The following IL18 variants were observed in gnomAD, a reference collection of about 807,000 sequenced individuals.
The protein encoded by IL18 is interleukin-18.
A neutral mutation model predicts 14.2 loss-of-function variants in IL18; 8 were observed. The observed-to-expected ratio is 0.56, with a 90% CI of 0.33 to 1.01. The LOEUF (loss-of-function observed/expected upper bound fraction) is 1.01. Among genes scored for constraint, IL18 ranks in the 50% least tolerant of loss-of-function variants. IL18 has a pLI of 0.03. For synonymous variants in IL18, 67 were observed against 71.0 expected (o/e 0.94, Z 0.28); for missense variants, 166 against 231.1 (o/e 0.72, Z 1.83).
At chr11:112,159,343 C>A (rs1866589991) in intron 1 of IL18, among the ~76,000 whole-genome samples, 1 of 151,980 alleles carries the variant, frequency 6.6e-6, no homozygotes, top group Non-Finnish European at 1.5e-5. Flanking sequence ...GTCAACACCA[C>A]CACCACCACC....
At chr11:112,162,325 T>C (rs1311137478) in intron 1 of IL18, among the ~76,000 whole-genome samples, 1 of 149,100 alleles carries the variant, frequency 6.7e-6, no homozygotes, top group Non-Finnish European at 1.5e-5. Context: ...AGAGCGATGT[T>C]TTTTTCTTTT....
chr11:112,152,575 C>G (rs1360484620), intron 3 of IL18, among the ~76,000 whole-genome samples: 4 of 152,106 alleles, frequency 2.6e-5, no homozygotes, highest in African/African-American at 9.7e-5. Context: ...TGATTAAATT[C>G]TAGTCAATGG....
In IL18 at chr11:112,155,002, A is replaced by G; in HGVS notation, c.52T>C (p.Phe18Leu). The G allele has an allele frequency of 1.9e-6, 3 of 1,612,484 alleles. No individual in the cohort carries two copies. The highest frequency in any genetic ancestry group is 2.5e-6 in the Non-Finnish European group (3 of 1,178,598). Residue 18 changes from phenylalanine to leucine, a missense_variant, in exon 2 of 6, where the codon TTT becomes CTT. Coordinates refer to ENST00000280357, the MANE Select transcript of IL18 (RefSeq NM_001562.4). ...DNCINFVAMK[F>L]IDNTLYFIAE... ...ATAAAGTAAAGCGTATTGTCAATAA[A>G]TTTCATTGCCACAAAGTTGATGCAA...
intron 3 of IL18, among the ~76,000 whole-genome samples, chr11:112,152,549 A>T (rs1447410446): frequency 6.6e-6 from 1 of 152,172 alleles, no homozygotes; most frequent in Non-Finnish European, 1.5e-5. Context: ...ATTTCCTTGC[A>T]CTTGGTGTGG....
Position 112,143,414 on chromosome 11 carries a change from G to A in IL18, c.*182C>T. 2 of 493,444 alleles carry A rather than the reference G, an allele frequency of 4.1e-6. No individual in the cohort carries two copies. Among genetic ancestry groups the A allele is most frequent in the South Asian group, 2.5e-5 (1 of 39,316 alleles). 30.6% of individuals were successfully genotyped at this position (493,444 alleles called of 1,614,324 possible). A position where few individuals can be genotyped will look rare whatever the true frequency, so the allele number is the denominator to read the frequency against. On this transcript the variant is annotated 3_prime_UTR_variant, in exon 6 of 6. Transcript: ENST00000280357. ...TCCTGCCTCAGCCTCTTGAGTAGCT[G>A]GGATTGAGGGCATGCGTCACTACAC... is the stretch of plus-strand genomic sequence containing the variant.
intron 1 of IL18, among the ~76,000 whole-genome samples, chr11:112,156,721 A>G (rs766181169): frequency 9.2e-5 from 14 of 152,140 alleles, no homozygotes; most frequent in Non-Finnish European, 1.6e-4. Context: ...CTGGGATTAT[A>G]GGTGTCAGCC....
At chr11:112,149,823 A>G (rs945835444) in intron 4 of IL18, among the ~76,000 whole-genome samples, 2 of 152,152 alleles carry the variant, frequency 1.3e-5, no homozygotes, top group Admixed American at 1.3e-4. Flanking sequence ...TAATGCAATC[A>G]CAATAAAGGG....
Position 112,163,203 on chromosome 11 carries a change from G to A in IL18, c.-9+703C>T, listed in dbSNP as rs1162571485. 2.0e-5 allele frequency among the ~76,000 whole-genome samples: 3 copies of A among 152,124 alleles called. No individual in the cohort carries two copies. In the South Asian group the frequency reaches 6.2e-4, roughly 32 times the overall value. On this transcript the variant is annotated intron_variant, in intron 1 of 5. Transcript: ENST00000280357. ...CTTAATTGTGAAAGAAAATTATCTC[G>A]GGGAATGCTATATTATCCAATTGTA...
At chr11:112,150,341 C>T in intron 3 of IL18, 135 bp from the exon 4 acceptor site, 1 of 627,436 alleles carries the variant, frequency 1.6e-6, no homozygotes, top group East Asian at 2.8e-5. Context: ...AATAAAGTTG[C>T]CTATTGTTTT....
rs773452792 is a variant in IL18 at position 112,143,362 on chromosome 11, CCTCTACCTCCGGAGTGCAAGTGATT to C, written c.*209_*233del. On this transcript the variant is annotated 3_prime_UTR_variant, in exon 6 of 6. Coordinates refer to ENST00000280357, the MANE Select transcript of IL18 (RefSeq NM_001562.4). ...ATGGTGCAATCTCGGCTCACCACAA[CCTCTACCTCCGGAGTGCAAGTGATT>C]CTCCTGCCTCAGCCTCTTGAGTAGC... 9.7e-5 allele frequency: 36 copies of C among 371,644 alleles called. 1 individual carries two copies. Among genetic ancestry groups the C allele is most frequent in the Non-Finnish European group, 1.7e-4 (34 of 205,694 alleles). 23.0% of individuals were successfully genotyped at this position (371,644 alleles called of 1,614,324 possible). A position where few individuals can be genotyped will look rare whatever the true frequency, so the allele number is the denominator to read the frequency against.
chr11:112,146,993 C>T (rs1321860811), intron 5 of IL18, among the ~76,000 whole-genome samples: 8 of 147,858 alleles, frequency 5.4e-5, no homozygotes, highest in South Asian at 4.2e-4. Flanking sequence ...TGCAATGGCA[C>T]GATCTAGGCT....
At chr11:112,158,763 C>T (rs994558942) in intron 1 of IL18, among the ~76,000 whole-genome samples, 5 of 152,068 alleles carry the variant, frequency 3.3e-5, no homozygotes, top group Non-Finnish European at 5.9e-5. Flanking sequence ...TTTGACCTGA[C>T]AGCTTTGAAA....
intron 2 of IL18, 65 bp from the exon 3 acceptor site, chr11:112,153,668 C>T (rs1866485745): frequency 8.5e-7 from 1 of 1,175,584 alleles, no homozygotes. Flanking sequence ...AGAATTCAAT[C>T]TCATTCTAGC....
chr11:112,150,161 G>A lies in IL18; in HGVS notation c.137C>T (p.Ser46Leu). Residue 46 changes from serine to leucine, a missense_variant, in exon 4 of 6, where the codon TCA (serine) becomes TTA (leucine). By Grantham distance (145) the Ser-to-Leu change is moderately radical. Transcript: ENST00000280357. ...TTGGTCATTCAAATTTCTTATGACT[G>A]ATAATTTAGATTCAAGCTTGCCAAA... Reference protein sequence around the residue: ...DYFGKLESKLSVIRNLNDQVL... With the variant: ...DYFGKLESKLLVIRNLNDQVL... 1 of 1,594,498 alleles carries A rather than the reference G, an allele frequency of 6.3e-7. No homozygotes were observed. Among genetic ancestry groups the A allele is most frequent in the Non-Finnish European group, 8.6e-7 (1 of 1,163,332 alleles).
At chr11:112,145,228 T>TCAA (rs1373910659) in intron 5 of IL18, among the ~76,000 whole-genome samples, 1 of 152,228 alleles carries the variant, frequency 6.6e-6, no homozygotes, top group Non-Finnish European at 1.5e-5. Flanking sequence ...TTGTTCTTTA[T>TCAA]CAACAAGTGT....
At position 112,143,751 on chromosome 11, in the gene IL18, G is replaced by A; in HGVS notation, c.427C>T (p.Pro143Ser). 1.2e-6 allele frequency: 2 copies of A among 1,612,584 alleles called. No homozygotes were observed. The highest frequency in any genetic ancestry group is 1.7e-6 in the Non-Finnish European group (2 of 1,178,982). The change falls in exon 6 of 6, where the codon CCA (proline) becomes TCA (serine). Residue 143 changes from proline (P) to serine (S), a missense_variant. Pro to Ser is a moderately conservative substitution (Grantham distance 74). Coordinates refer to ENST00000280357, the MANE Select transcript of IL18 (RefSeq NM_001562.4). ...AATTGCATCTTATTATCATGTCCTGGGACACTTCTCTGAAAGAATATGATG... is the reference window on the plus strand; with the variant it reads ...AATTGCATCTTATTATCATGTCCTGAGACACTTCTCTGAAAGAATATGATG... Reference protein sequence around the residue: ...SDIIFFQRSVPGHDNKMQFES... With the variant: ...SDIIFFQRSVSGHDNKMQFES...
chr11:112,148,003 T>C (rs1265578112), intron 5 of IL18, among the ~76,000 whole-genome samples: 1 of 152,200 alleles, frequency 6.6e-6, no homozygotes, highest in African/African-American at 2.4e-5. Context: ...AGGCCAGAAA[T>C]ACTTTATACC....
Position 112,150,107 on chromosome 11 carries a change from G to A in IL18, c.191C>T (p.Pro64Leu). Residue 64 changes from proline to leucine, a missense_variant, in exon 4 of 6, where the codon CCT becomes CTT. By Grantham distance (98) the Pro-to-Leu change is moderately conservative. Coordinates refer to ENST00000280357, the MANE Select transcript of IL18 (RefSeq NM_001562.4). ...QVLFIDQGNR[P>L]LFEDMTDSDC... ...AGAATCAGTCATATCTTCAAATAGA[G>A]GCCGATTTCCTTGGTCAATGAAGAG... 6.2e-7 allele frequency: 1 copy of A among 1,610,530 alleles called. No homozygotes were observed. The highest frequency in any genetic ancestry group is 8.5e-7 in the Non-Finnish European group (1 of 1,178,672).
In IL18 at chr11:112,143,822, A is replaced by G. The variant is rs200076894; in HGVS notation, c.361-5T>C. On this transcript the variant is annotated splice_region_variant and splice_polypyrimidine_tract_variant and intron_variant, in intron 5 of 5. Transcript: ENST00000280357. ...GTTATCAGGAGGATTCATTTCCTATAGAGAAAAAAACATTACCTAATTATT... is the reference window on the plus strand; with the variant it reads ...GTTATCAGGAGGATTCATTTCCTATGGAGAAAAAAACATTACCTAATTATT... The G allele has an allele frequency of 2.6e-6, 4 of 1,543,590 alleles. No homozygotes were observed. The highest frequency in any genetic ancestry group is 3.5e-6 in the Non-Finnish European group (4 of 1,126,780).
Sources: allele counts gnomAD v4.1 joint callset (sites outside exome capture counted in the v4.1 genomes callset), GRCh38; gene constraint gnomAD v4.1.1; transcripts MANE v1.5; gene names NCBI Gene and HGNC (gene_info 2026-07-23, HGNC 2026-07-21).